The following USP14 variants were observed in gnomAD, a reference collection of about 807,000 sequenced individuals.
USP14 encodes ubiquitin specific peptidase 14, also known as ubiquitin carboxyl-terminal hydrolase 14.
USP14 carries 38 observed loss-of-function variants against 76.5 expected under a neutral mutation model. That is an observed-to-expected ratio of 0.50 (90% CI 0.38 to 0.65). The LOEUF is 0.65. Ranked by LOEUF, USP14 falls within the 30% of genes least tolerant of loss-of-function variation. USP14 has a pLI of 0.00. For missense variants in USP14, 467 were observed against 586.5 expected (o/e 0.80, Z 2.10); for synonymous variants, 192 against 191.7 (o/e 1.00, Z -0.01).
At chr18:187,747 T>A (rs1316751912) in intron 5 of USP14, among the ~76,000 whole-genome samples, 1 of 152,188 alleles carries the variant, frequency 6.6e-6, no homozygotes, top group South Asian at 2.1e-4. Context: ...AAATATCAGA[T>A]TTCCATGGTT....
In USP14 at chr18:178,932, G is replaced by A. The variant is rs1447985333; in HGVS notation, c.196-1G>A. 1 of 1,598,094 alleles carries A rather than the reference G, an allele frequency of 6.3e-7. No homozygotes were observed. The highest frequency in any genetic ancestry group is 1.4e-5 in the African/African-American group (1 of 73,904). On this transcript the variant is annotated splice_acceptor_variant, in intron 3 of 15. Coordinates refer to ENST00000261601, the MANE Select transcript of USP14 (RefSeq NM_005151.4). LOFTEE classifies it high-confidence loss of function. Reference sequence around the variant, plus strand: ...CATGAAATTACTTTTTTTAAAAACAGGGAATGACTCTACTAATGATGGGGT... The same window carrying A: ...CATGAAATTACTTTTTTTAAAAACAAGGAATGACTCTACTAATGATGGGGT...
chr18:213,027 C>G lies in USP14; in HGVS notation c.*1743C>G, dbSNP rs1386369504. The G allele has an allele frequency of 6.6e-6, 1 of 152,174 alleles. No homozygotes were observed. The highest frequency in any genetic ancestry group is 1.5e-5 in the Non-Finnish European group (1 of 68,040). 9.4% of individuals were successfully genotyped at this position (152,174 alleles called of 1,614,324 possible). ...ACTTATTTGTAAATAGCTTCCTCAC[C>G]TAAACTTTGACTTGGCAATCAATAC... On this transcript the variant is annotated 3_prime_UTR_variant, in exon 16 of 16. Transcript: ENST00000261601.
intron 6 of USP14, among the ~76,000 whole-genome samples, chr18:194,126 A>G (rs1193958390): frequency 5.9e-5 from 9 of 152,334 alleles, no homozygotes; most frequent in Middle Eastern, 3.4e-3. Context: ...TAGCCATCCA[A>G]GAGGTATGAA....
At chr18:180,470 T>C (rs1909756535) in intron 5 of USP14, 131 bp downstream of exon 5, 1 of 629,422 alleles carries the variant, frequency 1.6e-6, no homozygotes, top group African/African-American at 2.0e-5. Context: ...TTAAAGTGTT[T>C]AATGCTTTTT....
At chr18:168,522 C>A (rs1909344206) in intron 3 of USP14, among the ~76,000 whole-genome samples, 9 of 152,004 alleles carry the variant, frequency 5.9e-5, no homozygotes, top group Admixed American at 5.9e-4. Flanking sequence ...GCATTATTTG[C>A]CTCCTGGGTT....
intron 13 of USP14, among the ~76,000 whole-genome samples, chr18:208,990 C>G (rs1340332022): frequency 6.6e-6 from 1 of 152,218 alleles, no homozygotes; most frequent in Admixed American, 6.5e-5. Flanking sequence ...AAGTGATCCA[C>G]TCGCCCCGGC....
At chr18:197,246 G>A (rs1457093839) in intron 7 of USP14, among the ~76,000 whole-genome samples, 2 of 152,210 alleles carry the variant, frequency 1.3e-5, no homozygotes, top group South Asian at 2.1e-4. Context: ...TGGCTCCAAG[G>A]CCAAAGCCTT....
chr18:177,971 A>G (rs1242891417), intron 3 of USP14, among the ~76,000 whole-genome samples: 2 of 152,142 alleles, frequency 1.3e-5, no homozygotes, highest in Non-Finnish European at 2.9e-5. Context: ...CACTACAGTT[A>G]CACAATAGAC....
At chr18:184,296 G>A (rs1909867614) in intron 5 of USP14, among the ~76,000 whole-genome samples, 1 of 152,052 alleles carries the variant, frequency 6.6e-6, no homozygotes, top group African/African-American at 2.4e-5. Context: ...ATTGATACAA[G>A]ATGTCATGGA....
intron 2 of USP14, among the ~76,000 whole-genome samples, chr18:164,403 A>ATTT (rs61620947): frequency 6.9e-6 from 1 of 144,736 alleles, no homozygotes; most frequent in African/African-American, 2.5e-5. Context: ...AAAACTGTTC[A>ATTT]TTTTTTTTTT....
intron 10 of USP14, among the ~76,000 whole-genome samples, chr18:200,539 A>G (rs1910357523): frequency 6.6e-6 from 1 of 152,202 alleles, no homozygotes; most frequent in Non-Finnish European, 1.5e-5. Context: ...TTCATTATTC[A>G]GTTAGTGCTG....
At chr18:178,828 A>G in intron 3 of USP14, 105 bp from the exon 4 acceptor site, 2 of 784,326 alleles carry the variant, frequency 2.5e-6, no homozygotes, top group Non-Finnish European at 2.0e-6. Flanking sequence ...TTTTTGGCAA[A>G]TAGAATTATG....
intron 13 of USP14, among the ~76,000 whole-genome samples, chr18:206,222 G>C (rs925437590): frequency 2.0e-5 from 3 of 152,154 alleles, no homozygotes. Flanking sequence ...ACCAGCATTT[G>C]GTGTTGTCAC....
At chr18:197,590 T>C in intron 7 of USP14, 26 bp from the exon 8 acceptor site, 1 of 1,579,958 alleles carries the variant, frequency 6.3e-7, no homozygotes, top group South Asian at 1.1e-5. Flanking sequence ...CCAGGATTAC[T>C]TACTTTGTCT....
At position 204,704 on chromosome 18, in the gene USP14, C is replaced by T. The variant is rs1910480132; in HGVS notation, c.1164+12C>T. ...AGCAGCCAAATACAGTAGGTTCTTA[C>T]TGCTGACTTTATACTCTTAATATCT... On this transcript the variant is annotated intron_variant, in intron 13 of 15. Transcript: ENST00000261601. The T allele has an allele frequency of 5.0e-6, 8 of 1,608,772 alleles. No homozygotes were observed. Among genetic ancestry groups the T allele is most frequent in the Non-Finnish European group, 5.9e-6 (7 of 1,178,706 alleles).
intron 3 of USP14, among the ~76,000 whole-genome samples, chr18:176,394 A>T (rs1227909194): frequency 6.6e-6 from 1 of 151,952 alleles, no homozygotes; most frequent in African/African-American, 2.4e-5. Context: ...CTCAAGCAGT[A>T]CTCCCACCTT....
chr18:171,052 A>G (rs1026932961), intron 3 of USP14, among the ~76,000 whole-genome samples: 1 of 140,302 alleles, frequency 7.1e-6, no homozygotes, highest in South Asian at 2.3e-4. Flanking sequence ...ATATATATAT[A>G]TATAAACTGA....
At chr18:179,929 T>TG (rs1319300356) in intron 4 of USP14, among the ~76,000 whole-genome samples, 1 of 152,032 alleles carries the variant, frequency 6.6e-6, no homozygotes, top group Non-Finnish European at 1.5e-5. Flanking sequence ...TTTGAAGTGT[T>TG]TCTTTGCATA....
intron 13 of USP14, among the ~76,000 whole-genome samples, chr18:206,025 G>A (rs1243209392): frequency 2.6e-5 from 4 of 152,150 alleles, no homozygotes; most frequent in Admixed American, 2.0e-4. Context: ...GTAAACATTC[G>A]TGTACAGGTT....
Sources: allele counts gnomAD v4.1 joint callset (sites outside exome capture counted in the v4.1 genomes callset), GRCh38; gene constraint gnomAD v4.1.1; transcripts MANE v1.5; gene names NCBI Gene and HGNC (gene_info 2026-07-23, HGNC 2026-07-21).